SLC4A7: variants seen among roughly 807,000 people sequenced by gnomAD.
The protein encoded by SLC4A7 is sodium bicarbonate cotransporter 3.
In SLC4A7, 51 loss-of-function variants were observed where a neutral mutation model predicts 137.6. The ratio of observed to expected loss-of-function variants is 0.37; its 90% confidence interval spans 0.30 to 0.47. The LOEUF (loss-of-function observed/expected upper bound fraction) is 0.47, where lower values mean the gene tolerates loss of function less well. Among genes scored for constraint, SLC4A7 ranks in the 20% least tolerant of loss-of-function variants. SLC4A7 has a pLI of 1.00. For synonymous variants in SLC4A7, 542 were observed against 518.6 expected (o/e 1.05, Z -0.61); for missense variants, 1,247 against 1,525.4 (o/e 0.82, Z 3.04).
At chr3:27,377,537 C>T (rs901068825) in intron 25 of SLC4A7, among the ~76,000 whole-genome samples, 6 of 152,084 alleles carry the variant, frequency 3.9e-5, no homozygotes, top group Non-Finnish European at 7.4e-5. Context: ...TGATTACAGG[C>T]ATGCACCACC....
chr3:27,446,889 TTTTTG>T (rs1559791781), intron 3 of SLC4A7, among the ~76,000 whole-genome samples: 2,890 of 65,298 alleles, frequency 0.044, 184 homozygotes, highest in African/African-American at 0.12. Context: ...TTTTTTGTTT[TTTTTG>T]TTTTTTTTAA....
intron 14 of SLC4A7, 46 bp from the exon 15 acceptor site, chr3:27,403,430 G>C: frequency 2.9e-6 from 4 of 1,382,820 alleles, no homozygotes; most frequent in South Asian, 2.8e-5. Flanking sequence ...ATGTGGAATA[G>C]TATTTGTACC....
At chr3:27,448,397 A>G (rs1051785376) in intron 3 of SLC4A7, among the ~76,000 whole-genome samples, 4 of 152,036 alleles carry the variant, frequency 2.6e-5, no homozygotes, top group African/African-American at 7.2e-5. Flanking sequence ...AGGATGGGAT[A>G]CAATGAAGAA....
intron 11 of SLC4A7, among the ~76,000 whole-genome samples, chr3:27,414,003 G>C (rs1286570998): frequency 6.6e-6 from 1 of 152,156 alleles, no homozygotes; most frequent in African/African-American, 2.4e-5. Flanking sequence ...GTTGAGGCCA[G>C]GCGTGGTGGC....
intron 1 of SLC4A7, among the ~76,000 whole-genome samples, chr3:27,460,010 C>T (rs1406950987): frequency 2.7e-5 from 4 of 146,290 alleles, no homozygotes; most frequent in Non-Finnish European, 3.0e-5. Context: ...CACACACACA[C>T]GTGTATATAT....
At chr3:27,422,657 A>G (rs2055107403) in intron 8 of SLC4A7, 2 of 372,178 alleles carry the variant, frequency 5.4e-6, no homozygotes, top group South Asian at 2.0e-5. Context: ...CTTTCTGTGT[A>G]TAATTACAAG....
chr3:27,424,178 TAG>T, intron 7 of SLC4A7, 26 bp from the exon 8 acceptor site: 1 of 1,223,222 alleles, frequency 8.2e-7, no homozygotes. Flanking sequence ...AATTCCAAAT[TAG>T]TAAGGAGAAA....
chr3:27,409,406 G>C lies in SLC4A7; in HGVS notation c.1891C>G (p.Pro631Ala). Residue 631 changes from proline to alanine, a missense_variant, in exon 13 of 26, where the codon CCT becomes GCT. Coordinates refer to ENST00000454389, the MANE Select transcript of SLC4A7 (RefSeq NM_001321103.2). ...ILFLYCACMS[P>A]VITFGGLLGE... ...AGCAGCCCTCCAAAAGTGATTACAG[G>C]AGACATACAGGCACAGTATAGGAAA... The C allele has an allele frequency of 6.2e-7, 1 of 1,613,660 alleles. No individual in the cohort carries two copies. Among genetic ancestry groups the C allele is most frequent in the Non-Finnish European group, 8.5e-7 (1 of 1,179,762 alleles).
At chr3:27,458,308 A>T (rs1275904275) in intron 1 of SLC4A7, among the ~76,000 whole-genome samples, 1 of 152,194 alleles carries the variant, frequency 6.6e-6, no homozygotes, top group Non-Finnish European at 1.5e-5. Flanking sequence ...TTTATATCCC[A>T]CAGCTAAAGT....
chr3:27,383,242 T>C lies in SLC4A7; in HGVS notation c.3501A>G (p.Glu1167=), dbSNP rs771674828. ...DKKKKEKEEA[E]RMLQDDDDTV... ...TATCATCATCATCTTGAAGCATCCG[T>C]TCAGCTTCCTTTATAACACATGTGT... Residue 1167 remains glutamate (E), a synonymous_variant, in exon 24 of 26, where the codon GAA becomes GAG. Transcript: ENST00000454389. 1 of 1,605,500 alleles carries C rather than the reference T, an allele frequency of 6.2e-7. No homozygotes were observed. Among genetic ancestry groups the C allele is most frequent in the East Asian group, 2.2e-5 (1 of 44,806 alleles).
chr3:27,461,062 C>A, intron 1 of SLC4A7, among the ~76,000 whole-genome samples: 1 of 152,132 alleles, frequency 6.6e-6, no homozygotes, highest in Middle Eastern at 3.4e-3. Flanking sequence ...TCACTTGTTA[C>A]GCGAGCTGCA....
At chr3:27,470,873 C>T (rs76578883) in intron 1 of SLC4A7, among the ~76,000 whole-genome samples, 4,654 of 152,096 alleles carry the variant, frequency 0.031, 250 homozygotes, top group African/African-American at 0.11. Context: ...ATCCAGTAGG[C>T]GGAGGTTGCA....
intron 14 of SLC4A7, 51 bp downstream of exon 14, chr3:27,404,779 A>G (rs1456120409): frequency 5.7e-6 from 8 of 1,406,796 alleles, no homozygotes; most frequent in Non-Finnish European, 7.8e-6. Context: ...CTAAGTTAAT[A>G]AACAATTTCA....
chr3:27,448,545 C>A (rs2057841641), intron 3 of SLC4A7, 106 bp downstream of exon 3: 4 of 865,558 alleles, frequency 4.6e-6, no homozygotes, highest in Non-Finnish European at 5.4e-6. Flanking sequence ...AATGTGACTA[C>A]ATTAATGCAT....
At chr3:27,453,371 T>C (rs1206492768) in intron 1 of SLC4A7, among the ~76,000 whole-genome samples, 1 of 152,214 alleles carries the variant, frequency 6.6e-6, no homozygotes, top group Non-Finnish European at 1.5e-5. Flanking sequence ...TTGGATCACT[T>C]TGGGAGGCCA....
In SLC4A7 at chr3:27,431,355, C is replaced by T. The variant is rs149030403; in HGVS notation, c.1093G>A (p.Glu365Lys). The change falls in exon 7 of 26, where the codon GAA (glutamate) becomes AAA (lysine). Residue 365 changes from glutamate to lysine, a missense_variant. This residue lies in a region of SLC4A7 where 499 missense variants were observed against 664.2 expected (regional missense o/e 0.75). Coordinates refer to ENST00000454389, the MANE Select transcript of SLC4A7 (RefSeq NM_001321103.2). The stretch of plus-strand genomic sequence containing the variant: ...TGCTCCTCGCCTTTCAGCGCTGCTT[C>T]TAAGTCTTCCTCAGGCGGATGAATT... ...VVIHPPEEDLEAALKGEEQKN... is the reference protein window; with the variant it reads ...VVIHPPEEDLKAALKGEEQKN... 825 of 1,612,904 alleles carry T rather than the reference C, an allele frequency of 5.1e-4. 13 individuals are homozygous for T. In the South Asian group the frequency reaches 5.9e-3, roughly 12 times the overall value.
At chr3:27,393,616 T>C (rs985100142) in intron 20 of SLC4A7, among the ~76,000 whole-genome samples, 1 of 152,174 alleles carries the variant, frequency 6.6e-6, no homozygotes, top group Non-Finnish European at 1.5e-5. Flanking sequence ...TATTTCTGCC[T>C]CCCTGCAGGC....
At chr3:27,436,663 A>G in intron 4 of SLC4A7, 115 bp from the exon 5 acceptor site, 1 of 696,910 alleles carries the variant, frequency 1.4e-6, no homozygotes. Context: ...AATAAAGAAA[A>G]CCACGACCAA....
Position 27,403,294 on chromosome 3 carries a change from G to A in SLC4A7, c.2166C>T (p.Ser722=), listed in dbSNP as rs756240237. ...ATCGAGTAATATAACACACAAGGCT[G>A]CTTGCATCTGTTGCAACCAAAACAA... ...LCIVLVATDA[S]SLVCYITRFT... is the part of the protein sequence containing the mutation. The change falls in exon 15 of 26, where the codon AGC becomes AGT. Residue 722 remains serine, a synonymous_variant. Transcript: ENST00000454389. 7 of 1,613,864 alleles carry A rather than the reference G, an allele frequency of 4.3e-6. No homozygotes were observed. Among genetic ancestry groups the A allele is most frequent in the Non-Finnish European group, 5.1e-6 (6 of 1,179,950 alleles).
Sources: gnomAD v4.1 joint callset for allele counts (sites outside exome capture counted in the v4.1 genomes callset) on GRCh38, gnomAD v4.1.1 for gene constraint, gnomAD v4.1.1 regional missense constraint, MANE v1.5 for transcripts, NCBI Gene and HGNC (gene_info 2026-07-23, HGNC 2026-07-21) for gene names.